PPP1R9A: variants seen among roughly 807,000 people sequenced by gnomAD.
PPP1R9A encodes neurabin-1.
In PPP1R9A, 59 loss-of-function variants were observed where a neutral mutation model predicts 141.9. The observed-to-expected ratio is 0.42, with a 90% CI of 0.34 to 0.52. The LOEUF is 0.52. Ranked by LOEUF, PPP1R9A falls within the 20% of genes least tolerant of loss-of-function variation. The pLI is 0.10. For synonymous variants in PPP1R9A, 500 were observed against 569.7 expected (o/e 0.88, Z 1.74); for missense variants, 1,444 against 1,611.9 (o/e 0.90, Z 1.78).
In PPP1R9A at chr7:95,079,770, C is replaced by T. The variant is rs180890778; in HGVS notation, c.1396-31489C>T. 1.2e-3 allele frequency among the ~76,000 whole-genome samples: 188 copies of T among 152,314 alleles called. 1 individual carries two copies. Among genetic ancestry groups the T allele is most frequent in the Non-Finnish European group, 2.1e-3 (141 of 68,034 alleles). The stretch of plus-strand genomic sequence containing the variant: ...TCAAGTGGGCTTCATCCCTGGGATG[C>T]AAGGCTGGTTCAATATATGCAAATC... On this transcript the variant is annotated intron_variant, in intron 2 of 19. Coordinates refer to ENST00000433360, the MANE Select transcript of PPP1R9A (RefSeq NM_001166160.2).
intron 12 of PPP1R9A, among the ~76,000 whole-genome samples, chr7:95,259,418 A>T (rs574317983): frequency 1.9e-4 from 29 of 152,246 alleles, no homozygotes; most frequent in South Asian, 1.9e-3. Flanking sequence ...TAAGCTAAAA[A>T]ATATATATTA....
intron 5 of PPP1R9A, among the ~76,000 whole-genome samples, chr7:95,178,696 T>C (rs1239907953): frequency 6.6e-6 from 1 of 152,108 alleles, no homozygotes; most frequent in East Asian, 1.9e-4. Context: ...ACGGGAGCTA[T>C]TATAACTGAC....
At chr7:95,210,103 A>C (rs1252525389) in intron 7 of PPP1R9A, among the ~76,000 whole-genome samples, 1 of 152,186 alleles carries the variant, frequency 6.6e-6, no homozygotes, top group Non-Finnish European at 1.5e-5. Flanking sequence ...TTCCCTTCTC[A>C]TATAGAATAT....
rs1804870942 is a variant in PPP1R9A at position 95,284,327 on chromosome 7, C to G, written c.3606C>G (p.Thr1202=). ...QLMSVVWIQE[T]NNFTFNDDFS... ...TGTCTGTAGTCTGGATCCAAGAAAC[C>G]AATGTAATAACACTGCAATAAACAA... The change falls in exon 17 of 20, where the codon ACC becomes ACG. Residue 1202 remains threonine (T), a synonymous_variant. Coordinates refer to ENST00000433360, the MANE Select transcript of PPP1R9A (RefSeq NM_001166160.2). The G allele has an allele frequency of 2.0e-6, 3 of 1,474,590 alleles. No homozygotes were observed. Among genetic ancestry groups the G allele is most frequent in the Non-Finnish European group, 2.8e-6 (3 of 1,089,912 alleles). 91.3% of individuals were successfully genotyped at this position (1,474,590 alleles called of 1,614,324 possible).
At chr7:95,106,386 C>G (rs1389579065) in intron 2 of PPP1R9A, among the ~76,000 whole-genome samples, 3 of 152,124 alleles carry the variant, frequency 2.0e-5, no homozygotes, top group Non-Finnish European at 2.9e-5. Context: ...AAAATTGGGA[C>G]CATACCAATT....
At chr7:95,202,633 G>A (rs1237279440) in intron 6 of PPP1R9A, 2 of 897,588 alleles carry the variant, frequency 2.2e-6, no homozygotes, top group East Asian at 2.4e-4. Flanking sequence ...ACACTCGGGG[G>A]GTATGATAAA....
At chr7:95,146,113 C>T (rs1827561861) in intron 4 of PPP1R9A, among the ~76,000 whole-genome samples, 1 of 152,226 alleles carries the variant, frequency 6.6e-6, no homozygotes, top group Non-Finnish European at 1.5e-5. Context: ...TACATTCCCA[C>T]CGGCAGTGTA....
chr7:95,068,408 T>G (rs1325695531), intron 2 of PPP1R9A, among the ~76,000 whole-genome samples: 1 of 125,200 alleles, frequency 8.0e-6, no homozygotes, highest in Non-Finnish European at 1.6e-5. Flanking sequence ...AGGTGGAGAT[T>G]GCGGTGAGCC....
At chr7:95,279,968 G>A (rs1486887903) in intron 16 of PPP1R9A, among the ~76,000 whole-genome samples, 3 of 152,090 alleles carry the variant, frequency 2.0e-5, no homozygotes, top group Admixed American at 6.6e-5. Context: ...TCACCATCTC[G>A]AATGATTCAG....
chr7:94,939,011 A>C (rs1041234277), intron 2 of PPP1R9A, among the ~76,000 whole-genome samples: 2 of 152,004 alleles, frequency 1.3e-5, no homozygotes, highest in Non-Finnish European at 2.9e-5. Context: ...CAAATATATT[A>C]GTATTATTTG....
intron 2 of PPP1R9A, among the ~76,000 whole-genome samples, chr7:95,007,788 T>C (rs1008183987): frequency 6.6e-6 from 1 of 152,018 alleles, no homozygotes; most frequent in Non-Finnish European, 1.5e-5. Context: ...GAAACGAAGC[T>C]TTGTCAGGCG....
chr7:95,067,544 G>T (rs1813120033), intron 2 of PPP1R9A, among the ~76,000 whole-genome samples: 1 of 152,150 alleles, frequency 6.6e-6, no homozygotes, highest in Non-Finnish European at 1.5e-5. Context: ...AAAAATTTGT[G>T]TGAGAAAGAA....
At position 95,103,279 on chromosome 7, in the gene PPP1R9A, A is replaced by G. The variant is rs183859802; in HGVS notation, c.1396-7980A>G. Among the ~76,000 whole-genome samples, 278 of 151,272 alleles carry G rather than the reference A, an allele frequency of 1.8e-3. 2 individuals are homozygous for G. The highest frequency in any genetic ancestry group is 6.3e-3 in the African/African-American group (262 of 41,270). ...CTATTTTTCTGGAAAACCTTGACAAACGTAGGCTTCCTTGTGTTGCCGTTT... is the reference window on the plus strand; with the variant it reads ...CTATTTTTCTGGAAAACCTTGACAAGCGTAGGCTTCCTTGTGTTGCCGTTT... On this transcript the variant is annotated intron_variant, in intron 2 of 19. Coordinates refer to ENST00000433360, the MANE Select transcript of PPP1R9A (RefSeq NM_001166160.2).
chr7:95,052,512 C>T (rs1201295825), intron 2 of PPP1R9A, among the ~76,000 whole-genome samples: 1 of 152,094 alleles, frequency 6.6e-6, no homozygotes, highest in Non-Finnish European at 1.5e-5. Flanking sequence ...ATAAGAAATA[C>T]AAGCAAGAAA....
intron 2 of PPP1R9A, among the ~76,000 whole-genome samples, chr7:94,970,446 C>G (rs140249622): frequency 6.6e-6 from 1 of 152,086 alleles, no homozygotes; most frequent in African/African-American, 2.4e-5. Flanking sequence ...AATGCCCCAA[C>G]CTGCTTTGGC....
intron 2 of PPP1R9A, among the ~76,000 whole-genome samples, chr7:95,110,974 G>T (rs757288534): frequency 3.3e-5 from 5 of 152,166 alleles, no homozygotes; most frequent in Non-Finnish European, 5.9e-5. Flanking sequence ...GATTCATTCT[G>T]ATTCTATAAA....
At chr7:94,989,699 G>A (rs917865969) in intron 2 of PPP1R9A, among the ~76,000 whole-genome samples, 4 of 151,802 alleles carry the variant, frequency 2.6e-5, no homozygotes, top group African/African-American at 7.3e-5. Flanking sequence ...GAGAACCATC[G>A]GCTTAATGTA....
intron 2 of PPP1R9A, among the ~76,000 whole-genome samples, chr7:95,024,423 G>A (rs181538786): frequency 3.3e-5 from 5 of 152,190 alleles, no homozygotes; most frequent in Non-Finnish European, 5.9e-5. Context: ...TCTCTTTGTA[G>A]GTCTCTAAGA....
In PPP1R9A at chr7:94,935,544, A is replaced by G. The variant is rs999358836; in HGVS notation, c.1395+24036A>G. Among the ~76,000 whole-genome samples, 7 of 152,194 alleles carry G rather than the reference A, an allele frequency of 4.6e-5. No homozygotes were observed. In the East Asian group the frequency reaches 1.3e-3, roughly 29 times the overall value. On this transcript the variant is annotated intron_variant, in intron 2 of 19. Transcript: ENST00000433360. ...AAGTTCTCTTCTTGCCTTGTTTTAA[A>G]TGTGATATTATTTAACATTCTGTGG...
Sources: allele counts gnomAD v4.1 joint callset (sites outside exome capture counted in the v4.1 genomes callset), GRCh38; gene constraint gnomAD v4.1.1; transcripts MANE v1.5; gene names NCBI Gene and HGNC (gene_info 2026-07-23, HGNC 2026-07-21).